DIPK1A: variants seen among roughly 807,000 people sequenced by gnomAD.
DIPK1A encodes divergent protein kinase domain 1A, also known as family with sequence similarity 69 member A.
In DIPK1A, 27 loss-of-function variants were observed where a neutral mutation model predicts 40.8. The observed-to-expected ratio is 0.66, with a 90% CI of 0.49 to 0.91. The LOEUF (loss-of-function observed/expected upper bound fraction) is 0.91. Ranked by LOEUF, DIPK1A falls within the 40% of genes least tolerant of loss-of-function variation. The pLI is 0.00. For missense variants in DIPK1A, 412 were observed against 505.7 expected, an observed-to-expected ratio of 0.81 and a Z score of 1.78; for synonymous variants, 166 against 171.3, an observed-to-expected ratio of 0.97 and a Z score of 0.24.
At chr1:92,857,431 C>A (rs1171529493) in intron 2 of DIPK1A, among the ~76,000 whole-genome samples, 1 of 151,416 alleles carries the variant, frequency 6.6e-6, no homozygotes, top group Non-Finnish European at 1.5e-5. Context: ...AAGTGATTCT[C>A]CTGCCTCAGT....
At chr1:92,887,813 A>G (rs994208501) in intron 1 of DIPK1A, among the ~76,000 whole-genome samples, 3 of 152,192 alleles carry the variant, frequency 2.0e-5, no homozygotes, top group African/African-American at 7.2e-5. Context: ...ACAGAGGATA[A>G]GCAAGGCCAT....
At chr1:92,936,789 G>A (rs1167166069) in intron 1 of DIPK1A, among the ~76,000 whole-genome samples, 2 of 152,156 alleles carry the variant, frequency 1.3e-5, no homozygotes, top group Non-Finnish European at 2.9e-5. Context: ...ACATGGTCCT[G>A]GATGATGAAG....
chr1:92,961,412 A>T lies in DIPK1A; in HGVS notation c.18T>A (p.Cys6Ter), dbSNP rs550613373. 6.5e-7 allele frequency: 1 copy of T among 1,528,192 alleles called. No individual in the cohort carries two copies. Among genetic ancestry groups the T allele is most frequent in the East Asian group, 2.8e-5 (1 of 35,940 alleles). 94.7% of individuals were successfully genotyped at this position (1,528,192 alleles called of 1,614,324 possible). The change falls in exon 1 of 5, where the codon TGT (cysteine) becomes TGA (stop). Residue 6 changes from cysteine (C) to a stop codon, truncating the protein, a stop_gained. Coordinates refer to ENST00000370310, the MANE Select transcript of DIPK1A (RefSeq NM_001006605.5). LOFTEE classifies it high-confidence loss of function. ...AGGGTTTCCTTAGCCAGGCCCCCGGACAGAGACTCCTCGCCATGGTAATCA... is the reference window on the plus strand; with the variant it reads ...AGGGTTTCCTTAGCCAGGCCCCCGGTCAGAGACTCCTCGCCATGGTAATCA... The part of the protein sequence containing the change: MARSL[C>*]PGAWLRKPYY...
At chr1:92,837,053 TG>T in intron 4 of DIPK1A, 1 of 300,856 alleles carries the variant, frequency 3.3e-6, no homozygotes, top group Non-Finnish European at 6.4e-6. Context: ...GGGAGTTAGT[TG>T]CAAGTACACC....
At chr1:92,955,294 T>G (rs1284774371) in intron 1 of DIPK1A, among the ~76,000 whole-genome samples, 2 of 152,242 alleles carry the variant, frequency 1.3e-5, no homozygotes, top group African/African-American at 2.4e-5. Flanking sequence ...ACACACTGAA[T>G]GTACAACACA....
intron 1 of DIPK1A, among the ~76,000 whole-genome samples, chr1:92,894,795 G>C (rs1460164716): frequency 6.6e-6 from 1 of 152,044 alleles, no homozygotes; most frequent in African/African-American, 2.4e-5. Context: ...GAATCAAATA[G>C]AGGCAATAAA....
At chr1:92,890,225 TAG>T (rs1302566788) in intron 1 of DIPK1A, among the ~76,000 whole-genome samples, 1 of 152,220 alleles carries the variant, frequency 6.6e-6, no homozygotes, top group Non-Finnish European at 1.5e-5. Context: ...GTAGAGCTTT[TAG>T]AGTTTTCTAT....
At chr1:92,868,546 G>T (rs922017024) in intron 2 of DIPK1A, among the ~76,000 whole-genome samples, 1 of 152,098 alleles carries the variant, frequency 6.6e-6, no homozygotes, top group African/African-American at 2.4e-5. Flanking sequence ...AATCACTCCA[G>T]TTAAGACAGC....
intron 4 of DIPK1A, 30 bp downstream of exon 4, chr1:92,847,153 C>G: frequency 7.0e-7 from 1 of 1,430,644 alleles, no homozygotes. Context: ...TCCCACTTCA[C>G]ACTAGCAACA....
At chr1:92,861,001 T>G (rs1647239276) in intron 2 of DIPK1A, among the ~76,000 whole-genome samples, 2 of 152,160 alleles carry the variant, frequency 1.3e-5, no homozygotes, top group Admixed American at 1.3e-4. Flanking sequence ...CAAACATCGG[T>G]GGATTCAGTT....
intron 1 of DIPK1A, among the ~76,000 whole-genome samples, chr1:92,894,456 A>G (rs1163449014): frequency 2.0e-5 from 3 of 152,106 alleles, no homozygotes; most frequent in Non-Finnish European, 4.4e-5. Context: ...TGAAACCAAC[A>G]AGAACAAAGA....
downstream of DIPK1A, chr1:92,840,870 T>G (rs868381977): frequency 1.6e-6 from 1 of 631,800 alleles, no homozygotes; most frequent in Middle Eastern, 2.6e-4. Context: ...GGTTACTGCA[T>G]TTTTTTATTG....
At chr1:92,835,943 T>C (rs1230040917) in intron 4 of DIPK1A, among the ~76,000 whole-genome samples, 1 of 152,200 alleles carries the variant, frequency 6.6e-6, no homozygotes, top group Non-Finnish European at 1.5e-5. Context: ...ATAAGTCAAG[T>C]GTGGACATGT....
intron 4 of DIPK1A, chr1:92,835,101 A>C: frequency 1.3e-6 from 1 of 777,428 alleles, no homozygotes; most frequent in Non-Finnish European, 2.1e-6. Flanking sequence ...GCAATGACAC[A>C]AATCTGTAAT....
chr1:92,885,725 G>A (rs1190705440), intron 1 of DIPK1A, among the ~76,000 whole-genome samples: 1 of 151,606 alleles, frequency 6.6e-6, no homozygotes, highest in Non-Finnish European at 1.5e-5. Flanking sequence ...TAAAACATAA[G>A]TGGAATATAA....
Position 92,847,193 on chromosome 1 carries a change from C to A in DIPK1A, c.464G>T (p.Ser155Ile), listed in dbSNP as rs1687668678. The A allele has an allele frequency of 2.6e-6, 4 of 1,557,980 alleles. No homozygotes were observed. Among genetic ancestry groups the A allele is most frequent in the African/African-American group, 1.4e-5 (1 of 73,198 alleles). The change falls in exon 4 of 5, where the codon AGT becomes ATT. Residue 155 changes from serine (S) to isoleucine (I), a missense_variant. Physicochemically the swap from Ser to Ile is moderately radical, Grantham distance 142. Coordinates refer to ENST00000370310, the MANE Select transcript of DIPK1A (RefSeq NM_001006605.5). ...AATGGGTATGCTTACCTTAAAGAGA[C>A]TATAGACCATTTCTTTAAATTTTTG... ...TVQKFKEMVY[S>I]LFKAKLGDQG...
rs374590981 is a variant in DIPK1A at position 92,888,963 on chromosome 1, G to A, written c.55-12533C>T. 9.3e-4 allele frequency among the ~76,000 whole-genome samples: 141 copies of A among 152,252 alleles called. 1 individual carries two copies. In the South Asian group the frequency reaches 0.01, roughly 11 times the overall value. On this transcript the variant is annotated intron_variant, in intron 1 of 4. Coordinates refer to ENST00000370310, the MANE Select transcript of DIPK1A (RefSeq NM_001006605.5). ...GCAAATATTTTCTCTCATTCTGCAC[G>A]TTGTCTCTTCACTCTGTTGATTTTT... is the stretch of plus-strand genomic sequence containing the variant.
chr1:92,918,662 G>C (rs750596178), intron 1 of DIPK1A, among the ~76,000 whole-genome samples: 5 of 152,070 alleles, frequency 3.3e-5, no homozygotes, highest in Non-Finnish European at 5.9e-5. Flanking sequence ...TTACAATTTT[G>C]GTTGGCAGCA....
intron 1 of DIPK1A, chr1:92,931,427 A>C (rs943012156): frequency 4.6e-6 from 1 of 217,294 alleles, no homozygotes; most frequent in Non-Finnish European, 9.8e-6. Flanking sequence ...GATGTATTTC[A>C]ATTAAAAGAC....
Sources: gnomAD v4.1 joint callset for allele counts (sites outside exome capture counted in the v4.1 genomes callset) on GRCh38, gnomAD v4.1.1 for gene constraint, MANE v1.5 for transcripts, NCBI Gene and HGNC (gene_info 2026-07-23, HGNC 2026-07-21) for gene names.